SCHIP1: variants seen among roughly 807,000 people sequenced by gnomAD.
SCHIP1 encodes schwannomin interacting protein 1.
Under a neutral mutation model 29.7 loss-of-function variants are expected in SCHIP1, and 8 were observed. That is an observed-to-expected ratio of 0.27 (90% CI 0.16 to 0.49). SCHIP1 has a LOEUF of 0.49. Ranked by LOEUF, SCHIP1 falls within the 20% of genes least tolerant of loss-of-function variation. The probability of loss-of-function intolerance (pLI) is 0.99; values close to 1 mark genes in which losing one functional copy is unlikely to be tolerated. For synonymous variants in SCHIP1, 76 were observed against 94.9 expected, an observed-to-expected ratio of 0.80 and a Z score of 1.16; for missense variants, 193 against 294.6, an observed-to-expected ratio of 0.66 and a Z score of 2.52.
At chr3:159,632,962 G>A in the SCHIP1 span, among the ~76,000 whole-genome samples, 1 of 152,160 alleles carries the variant, frequency 6.6e-6, no homozygotes, top group African/African-American at 2.4e-5. Context: ...TGTATCAGAA[G>A]GTTGACTCTA....
At chr3:159,278,119 C>G in the SCHIP1 span, among the ~76,000 whole-genome samples, 1 of 152,090 alleles carries the variant, frequency 6.6e-6, no homozygotes, top group African/African-American at 2.4e-5. Flanking sequence ...GGATAAGGGT[C>G]ATCAGTGCAG....
chr3:159,733,939 G>T, the SCHIP1 span, among the ~76,000 whole-genome samples: 1 of 152,042 alleles, frequency 6.6e-6, no homozygotes, highest in East Asian at 1.9e-4. Context: ...CAAGCAAAAA[G>T]TTAACTTATG....
the SCHIP1 span, among the ~76,000 whole-genome samples, chr3:159,469,416 A>G: frequency 2.8e-4 from 42 of 152,168 alleles, no homozygotes; most frequent in African/African-American, 9.4e-4. Context: ...AAATTGGGAA[A>G]TTTCTTAAAT....
At chr3:159,525,141 T>C in the SCHIP1 span, among the ~76,000 whole-genome samples, 1 of 152,354 alleles carries the variant, frequency 6.6e-6, no homozygotes, top group East Asian at 1.9e-4. Context: ...GTCACATTAT[T>C]AGTGAAACTT....
the SCHIP1 span, among the ~76,000 whole-genome samples, chr3:159,352,904 G>A: frequency 7.7e-3 from 1,178 of 152,214 alleles, 18 homozygotes; most frequent in African/African-American, 0.027. Flanking sequence ...GAAACATGGT[G>A]AGTAAACAAT....
At chr3:159,709,969 C>A in the SCHIP1 span, among the ~76,000 whole-genome samples, 3 of 152,060 alleles carry the variant, frequency 2.0e-5, no homozygotes, top group African/African-American at 7.2e-5. Context: ...AAAAGGGAAC[C>A]CTTGCACACT....
chr3:159,418,328 A>G, the SCHIP1 span, among the ~76,000 whole-genome samples: 1 of 152,202 alleles, frequency 6.6e-6, no homozygotes, highest in Non-Finnish European at 1.5e-5. Flanking sequence ...CTATCTAGAT[A>G]TCTAGACTTG....
chr3:159,547,124 T>C, the SCHIP1 span, among the ~76,000 whole-genome samples: 1 of 152,234 alleles, frequency 6.6e-6, no homozygotes, highest in Non-Finnish European at 1.5e-5. Flanking sequence ...CTAACTGGCA[T>C]GAGATGGTAT....
the SCHIP1 span, among the ~76,000 whole-genome samples, chr3:159,549,577 T>C: frequency 0.99 from 150,965 of 152,276 alleles, 74,834 homozygotes; most frequent in East Asian, 1. Context: ...GAGATAACAG[T>C]CATCTCCAAT....
chr3:159,775,278 G>T, the SCHIP1 span, among the ~76,000 whole-genome samples: 1 of 152,158 alleles, frequency 6.6e-6, no homozygotes, highest in Non-Finnish European at 1.5e-5. Context: ...AAAGTGTGTG[G>T]GGTTGGGCTT....
the SCHIP1 span, among the ~76,000 whole-genome samples, chr3:159,598,686 A>G: frequency 2.6e-5 from 4 of 152,292 alleles, no homozygotes; most frequent in South Asian, 6.2e-4. Flanking sequence ...GCAAGATATC[A>G]GTGGATCTAC....
chr3:159,868,621 A>G (rs1714910339), intron 2 of SCHIP1, among the ~76,000 whole-genome samples: 1 of 152,126 alleles, frequency 6.6e-6, no homozygotes. Flanking sequence ...TGAAATTAGA[A>G]TTGCCTCCTT....
At chr3:159,730,408 G>T in the SCHIP1 span, among the ~76,000 whole-genome samples, 2 of 152,174 alleles carry the variant, frequency 1.3e-5, no homozygotes, top group Admixed American at 6.5e-5. Flanking sequence ...TCTGCATAAA[G>T]CTTTTAGAGC....
chr3:159,697,604 G>A, the SCHIP1 span, among the ~76,000 whole-genome samples: 1 of 152,094 alleles, frequency 6.6e-6, no homozygotes, highest in Non-Finnish European at 1.5e-5. Flanking sequence ...TTAACTCTGT[G>A]AAATGCAATC....
chr3:159,365,666 A>G, the SCHIP1 span, among the ~76,000 whole-genome samples: 2 of 152,120 alleles, frequency 1.3e-5, no homozygotes, highest in Non-Finnish European at 2.9e-5. Context: ...CCTGGAATCC[A>G]GTGGTGCAGT....
chr3:159,432,359 AGAG>A, the SCHIP1 span, among the ~76,000 whole-genome samples: 1 of 148,852 alleles, frequency 6.7e-6, no homozygotes, highest in Admixed American at 6.8e-5. Context: ...AGAGAGAGAG[AGAG>A]GGAGAGAGAG....
the SCHIP1 span, among the ~76,000 whole-genome samples, chr3:159,378,372 G>C: frequency 6.6e-6 from 1 of 152,154 alleles, no homozygotes; most frequent in Non-Finnish European, 1.5e-5. Flanking sequence ...GTGTGTTGTT[G>C]ATTTTTAAAG....
the SCHIP1 span, among the ~76,000 whole-genome samples, chr3:159,828,784 G>A: frequency 6.6e-6 from 1 of 151,950 alleles, no homozygotes; most frequent in Non-Finnish European, 1.5e-5. Context: ...ATTTGTATTG[G>A]TAGGCAAGGC....
chr3:159,860,522 T>TAGG, intron 1 of SCHIP1, among the ~76,000 whole-genome samples: 1 of 152,308 alleles, frequency 6.6e-6, no homozygotes, highest in African/African-American at 2.4e-5. Context: ...ATGCTAGACG[T>TAGG]GGTATCTGTA....
Sources: allele counts gnomAD v4.1 joint callset (sites outside exome capture counted in the v4.1 genomes callset), GRCh38; gene constraint gnomAD v4.1.1; transcripts MANE v1.5; gene names NCBI Gene and HGNC (gene_info 2026-07-23, HGNC 2026-07-21).